The following RYR1 variants were observed in gnomAD, a reference collection of about 807,000 sequenced individuals.
RYR1 encodes the protein ryanodine receptor 1.
Under a neutral mutation model 583.5 loss-of-function variants are expected in RYR1, and 342 were observed. The ratio of observed to expected loss-of-function variants is 0.59; its 90% CI spans 0.54 to 0.64. RYR1 has a LOEUF of 0.64. Ranked by LOEUF, RYR1 falls within the 30% of genes least tolerant of loss-of-function variation. RYR1 has a pLI of 0.00. For synonymous variants in RYR1, 2,791 were observed against 2,822.5 expected (o/e 0.99, Z 0.35); for missense variants, 6,032 against 6,917.2 (o/e 0.87, Z 4.54).
chr19:38,446,002 C>G (rs186414439), intron 7 of RYR1, among the ~76,000 whole-genome samples: 131 of 152,126 alleles, frequency 8.6e-4, no homozygotes, highest in African/African-American at 3.0e-3. Flanking sequence ...CAAAACTAAA[C>G]AAAACGAAAC....
In RYR1 at chr19:38,558,103, G is replaced by T. The variant is rs192199454; in HGVS notation, c.12283-3010G>T. Reference sequence around the variant, plus strand: ...GTGGGAGGATCGCTTGAGCCCAGGAGTTCAAGACCAGCCTAGAAAACATAA... The same window carrying T: ...GTGGGAGGATCGCTTGAGCCCAGGATTTCAAGACCAGCCTAGAAAACATAA... On this transcript the variant is annotated intron_variant, in intron 89 of 105. Transcript: ENST00000359596. Among the ~76,000 whole-genome samples the T allele has an allele frequency of 1.8e-4, 28 of 152,140 alleles. 2 individuals are homozygous for T. The East Asian group carries it at 5.4e-3, about 29-fold the overall frequency.
intron 76 of RYR1, among the ~76,000 whole-genome samples, chr19:38,531,510 G>A (rs550424090): frequency 6.6e-6 from 1 of 152,016 alleles, no homozygotes; most frequent in South Asian, 2.1e-4. Context: ...CAAGCAGAAA[G>A]GGATTGGCCA....
intron 89 of RYR1, among the ~76,000 whole-genome samples, chr19:38,552,698 T>C (rs2145804287): frequency 6.6e-6 from 1 of 152,310 alleles, no homozygotes; most frequent in African/African-American, 2.4e-5. Flanking sequence ...TGCCTTCAGA[T>C]TCATCTGTTA....
chr19:38,543,950 T>G lies in RYR1; in HGVS notation c.12012+75T>G. 7.0e-7 allele frequency: 1 copy of G among 1,421,382 alleles called. No homozygotes were observed. Among genetic ancestry groups the G allele is most frequent in the South Asian group, 1.2e-5 (1 of 83,114 alleles). 88.0% of individuals were successfully genotyped at this position (1,421,382 alleles called of 1,614,324 possible). On this transcript the variant is annotated intron_variant, in intron 87 of 105. Transcript: ENST00000359596. The surrounding 1 kb of genome is among the most constrained non-coding windows in gnomAD (Gnocchi z 4.4). ...TGGTCCATTTCCAAGTCTTGCCCCT[T>G]TGGTCAGTTTGTCACCCGAGTGCTC...
Position 38,570,782 on chromosome 19 carries a change from C to T in RYR1, c.13746+89C>T, listed in dbSNP as rs371211682. ...CCCCTATCAGAATTTCAGGGTTCCT[C>T]CACTGAAGGGATAAGGTATTGGGCT... On this transcript the variant is annotated intron_variant, in intron 94 of 105. Transcript: ENST00000359596. 6,238 of 1,106,808 alleles carry T rather than the reference C, an allele frequency of 5.6e-3. 175 individuals are homozygous for T. The highest frequency in any genetic ancestry group is 0.045 in the South Asian group (3,613 of 80,896). 68.6% of individuals were successfully genotyped at this position (1,106,808 alleles called of 1,614,324 possible).
intron 50 of RYR1, 86 bp downstream of exon 50, chr19:38,504,446 T>TG (rs1641516820): frequency 6.5e-7 from 1 of 1,542,174 alleles, no homozygotes; most frequent in South Asian, 1.2e-5. Flanking sequence ...CCCTCAATTT[T>TG]GGGGGGTTCA....
intron 42 of RYR1, among the ~76,000 whole-genome samples, chr19:38,498,501 A>C (rs896582868): frequency 2.0e-5 from 3 of 152,208 alleles, no homozygotes; most frequent in Admixed American, 6.5e-5. Context: ...GGGCAACTCC[A>C]TAGAGTAAAG....
intron 27 of RYR1, 54 bp from the exon 28 acceptor site, chr19:38,473,323 C>T (rs1968526385): frequency 3.7e-6 from 6 of 1,606,404 alleles, no homozygotes; most frequent in Non-Finnish European, 4.3e-6. Context: ...GTAGGACCAA[C>T]GGCCTGGCCT....
At position 38,444,909 on chromosome 19, in the gene RYR1, A is replaced by C. The variant is rs1972866295; in HGVS notation, c.631+232A>C. On this transcript the variant is annotated intron_variant, in intron 7 of 105. Transcript: ENST00000359596. The surrounding 1 kb of genome is among the most constrained non-coding windows in gnomAD (Gnocchi z 5.1). ...GGCTCCCAAACTTAGACCCCAAAGT[A>C]TTAGCCCCCAAGGCTCCTAAACTCA... Among the ~76,000 whole-genome samples the C allele has an allele frequency of 6.6e-6, 1 of 151,086 alleles. No homozygotes were observed. Among genetic ancestry groups the C allele is most frequent in the Non-Finnish European group, 1.5e-5 (1 of 67,738 alleles).
At chr19:38,535,088 A>G in intron 79 of RYR1, 53 bp from the exon 80 acceptor site, 1 of 1,576,886 alleles carries the variant, frequency 6.3e-7, no homozygotes, top group East Asian at 2.2e-5. Flanking sequence ...TGGTGGGTGG[A>G]ACACACTGCC....
In RYR1 at chr19:38,506,359, C is replaced by T. The variant is rs538250432; in HGVS notation, c.8598C>T (p.Thr2866=). The T allele has an allele frequency of 5.6e-5, 90 of 1,613,818 alleles. 1 individual carries two copies. The East Asian group carries it at 1.5e-3, about 28-fold the overall frequency. Residue 2866 remains threonine (T), a synonymous_variant, in exon 55 of 106, where the codon ACC becomes ACT. Coordinates refer to ENST00000359596, the MANE Select transcript of RYR1 (RefSeq NM_000540.3). ...AGCCCCCCGACCTTAGTGCTGTTAC[C>T]CTGTCCCGGGAGCTGCAGGTGAGAG... ...NPQPPDLSAV[T]LSRELQAMAE...
chr19:38,443,061 G>A (rs1314300320), intron 3 of RYR1, among the ~76,000 whole-genome samples: 2 of 152,206 alleles, frequency 1.3e-5, no homozygotes, highest in Non-Finnish European at 2.9e-5. Context: ...CCCAAGGTCC[G>A]GGTTGGGGAC....
chr19:38,565,192 G>A lies in RYR1; in HGVS notation c.12858G>A (p.Ala4286=), dbSNP rs1599634706. Residue 4286 remains alanine, a synonymous_variant, in exon 91 of 106, where the codon GCG becomes GCA. Coordinates refer to ENST00000359596, the MANE Select transcript of RYR1 (RefSeq NM_000540.3). The surrounding 1 kb of genome is among the most constrained non-coding windows in gnomAD (Gnocchi z 4.7). ...GCGCGGCGGGGCTCGAGGGCACGGC[G>A]GCCACGGCGGCGGCGGGGGCGACGG... ...EEGAAGLEGT[A]ATAAAGATAR... is the part of the protein sequence containing the mutation. 4 of 1,048,652 alleles carry A rather than the reference G, an allele frequency of 3.8e-6. No homozygotes were observed. Among genetic ancestry groups the A allele is most frequent in the East Asian group, 7.2e-5 (1 of 13,890 alleles). 65.0% of individuals were successfully genotyped at this position (1,048,652 alleles called of 1,614,324 possible).
chr19:38,528,966 G>T lies in RYR1; in HGVS notation c.11050G>T (p.Glu3684Ter). 1 of 1,531,826 alleles carries T rather than the reference G, an allele frequency of 6.5e-7. No homozygotes were observed. The highest frequency in any genetic ancestry group is 8.9e-7 in the Non-Finnish European group (1 of 1,122,812). The allele number at this position is 1,531,826 out of a possible 1,614,324, so 94.9% of individuals were successfully genotyped here. The stretch of plus-strand genomic sequence containing the variant: ...CTCCCACCAGAAAGCTGGGGAGCAG[G>T]AGGAGGAGGAGGAAGAGGTGGAAGA... ...IDDLSKAGEQ[E>*]EEEEEVEEKK... The change falls in exon 76 of 106, where the codon GAG becomes TAG. Residue 3684 changes from glutamate to a stop codon, truncating the protein, a stop_gained. Coordinates refer to ENST00000359596, the MANE Select transcript of RYR1 (RefSeq NM_000540.3). LOFTEE classifies it high-confidence loss of function.
Position 38,457,394 on chromosome 19 carries a change from C to T in RYR1, c.1792-103C>T, listed in dbSNP as rs114840566. ...CAGTCAAAATTGCCACATCTTATCC[C>T]GATGCGCTGTCCTTTCCTCCTGGCT... On this transcript the variant is annotated intron_variant, in intron 16 of 105. Transcript: ENST00000359596. 6,754 of 1,538,206 alleles carry T rather than the reference C, an allele frequency of 4.4e-3. 231 individuals carry two copies. In the African/African-American group the frequency reaches 0.074, roughly 17 times the overall value.
At chr19:38,568,526 A>G (rs1366130770) in intron 93 of RYR1, among the ~76,000 whole-genome samples, 2 of 150,190 alleles carry the variant, frequency 1.3e-5, no homozygotes, top group Non-Finnish European at 2.9e-5. Flanking sequence ...GCCTGAGGTC[A>G]GGAGTTCAAG....
intron 67 of RYR1, among the ~76,000 whole-genome samples, chr19:38,520,071 C>CTT (rs571307849): frequency 0.032 from 3,619 of 112,194 alleles, 219 homozygotes; most frequent in African/African-American, 0.11. Flanking sequence ...GAATAGTTTG[C>CTT]TTTTTTTTTT....
rs773926353 is a variant in RYR1 at position 38,467,667 on chromosome 19, C to T, written c.3236C>T (p.Ser1079Phe). Residue 1079 changes from serine (S) to phenylalanine (F), a missense_variant, in exon 25 of 106, where the codon TCC (serine) becomes TTC (phenylalanine). By Grantham distance (155) the Ser-to-Phe change is radical. This residue lies in a region of RYR1 where 2,627 missense variants were observed against 2,961.3 expected (regional missense o/e 0.89). Coordinates refer to ENST00000359596, the MANE Select transcript of RYR1 (RefSeq NM_000540.3). ...GTGCGCATCTTCCGGGCAGAGAAAT[C>T]CTATACAGTGCAGAGCGGCCGCTGG... ...DRVRIFRAEK[S>F]YTVQSGRWYF... The T allele has an allele frequency of 6.2e-7, 1 of 1,614,248 alleles. No individual in the cohort carries two copies. Among genetic ancestry groups the T allele is most frequent in the South Asian group, 1.1e-5 (1 of 91,090 alleles).
At chr19:38,457,045 CCAAA>C (rs1200358622) in intron 16 of RYR1, among the ~76,000 whole-genome samples, 13 of 19,588 alleles carry the variant, frequency 6.6e-4, no homozygotes, top group African/African-American at 1.5e-3. Flanking sequence ...GACTCCATCT[CCAAA>C]AAAAAAAAAA....
Sources: gnomAD v4.1 joint callset for allele counts (sites outside exome capture counted in the v4.1 genomes callset) on GRCh38, gnomAD v4.1.1 for gene constraint, gnomAD v4.1.1 regional missense constraint, Gnocchi (gnomAD v3.1) non-coding constraint, MANE v1.5 for transcripts, NCBI Gene and HGNC (gene_info 2026-07-23, HGNC 2026-07-21) for gene names.